PLCE1: variants seen among roughly 807,000 people sequenced by gnomAD.
The protein encoded by PLCE1 is phospholipase C epsilon 1, also known as 1-phosphatidylinositol 4,5-bisphosphate phosphodiesterase epsilon-1.
Under a neutral mutation model 242.8 loss-of-function variants are expected in PLCE1, and 119 were observed. That is an observed-to-expected ratio of 0.49 (90% CI 0.42 to 0.57). The LOEUF (loss-of-function observed/expected upper bound fraction) is 0.57, where lower values mean the gene tolerates loss of function less well. PLCE1 is among the 20% of genes least tolerant of loss of function. PLCE1 has a pLI of 0.00. For missense variants in PLCE1, 2,441 were observed against 2,788.8 expected, an observed-to-expected ratio of 0.88 and a Z score of 2.81; for synonymous variants, 945 against 1,017.4, an observed-to-expected ratio of 0.93 and a Z score of 1.35.
At chr10:93,998,340 C>G (rs1441727830) in intron 1 of PLCE1, among the ~76,000 whole-genome samples, 1 of 152,086 alleles carries the variant, frequency 6.6e-6, no homozygotes, top group African/African-American at 2.4e-5. Flanking sequence ...TCTGCAGGAC[C>G]CCCTGTCTCT....
chr10:94,245,166 A>G (rs1207379467), intron 7 of PLCE1, among the ~76,000 whole-genome samples: 1 of 152,218 alleles, frequency 6.6e-6, no homozygotes, highest in Non-Finnish European at 1.5e-5. Flanking sequence ...GTATAAAGTT[A>G]GACCAAAATC....
intron 2 of PLCE1, among the ~76,000 whole-genome samples, chr10:94,124,778 A>G (rs1196905917): frequency 6.6e-6 from 1 of 152,232 alleles, no homozygotes; most frequent in South Asian, 2.1e-4. Context: ...AAAAATTAGT[A>G]GAGAGAATAG....
At chr10:94,285,585 G>C (rs915163006) in intron 22 of PLCE1, among the ~76,000 whole-genome samples, 1 of 152,094 alleles carries the variant, frequency 6.6e-6, no homozygotes, top group Non-Finnish European at 1.5e-5. Flanking sequence ...TTCTGGTTGC[G>C]AGACGGCTAC....
At position 94,031,103 on chromosome 10, in the gene PLCE1, G is replaced by A. The variant is rs1589882637; in HGVS notation, c.57G>A (p.Val19=). ...SVLIPVTQRK[V]VSAQSAADES... ...TCATACCTGTGACTCAGAGAAAAGT[G>A]GTTTCTGCCCAGTCGGCTGCAGATG... The change falls in exon 2 of 33, where the codon GTG becomes GTA. Residue 19 remains valine (V), a synonymous_variant. Coordinates refer to ENST00000371380, the MANE Select transcript of PLCE1 (RefSeq NM_016341.4). 6 of 1,613,578 alleles carry A rather than the reference G, an allele frequency of 3.7e-6. No homozygotes were observed. The East Asian group carries it at 1.3e-4, about 36-fold the overall frequency.
chr10:94,074,037 GACAA>G (rs1288197684), intron 2 of PLCE1, among the ~76,000 whole-genome samples: 11 of 152,224 alleles, frequency 7.2e-5, no homozygotes, highest in Non-Finnish European at 1.0e-4. Flanking sequence ...ACTCAGTTAA[GACAA>G]ATACAAGTTT....
intron 1 of PLCE1, among the ~76,000 whole-genome samples, chr10:94,007,575 CTT>C (rs57779697): frequency 0.43 from 45,081 of 105,730 alleles, 6,983 homozygotes; most frequent in East Asian, 0.61. Flanking sequence ...TTCTCTCTCT[CTT>C]TTTTTTTTTT....
intron 32 of PLCE1, chr10:94,325,359 G>T (rs1454360010): frequency 2.1e-5 from 8 of 388,606 alleles, no homozygotes; most frequent in Non-Finnish European, 3.9e-5. Flanking sequence ...AGCACTTTGG[G>T]AGGCCAAGGC....
intron 3 of PLCE1, chr10:94,137,736 T>C (rs960170145): frequency 3.4e-5 from 6 of 175,242 alleles, no homozygotes; most frequent in Non-Finnish European, 6.0e-5. Context: ...TTCTGACAGA[T>C]GGAGGCCAGC....
chr10:94,037,909 A>G (rs934843176), intron 2 of PLCE1, among the ~76,000 whole-genome samples: 1 of 152,220 alleles, frequency 6.6e-6, no homozygotes, highest in Non-Finnish European at 1.5e-5. Context: ...TTCTTTGGAC[A>G]GTATCAGCAT....
chr10:94,307,646 G>T (rs541488261), intron 26 of PLCE1, among the ~76,000 whole-genome samples: 4 of 152,308 alleles, frequency 2.6e-5, no homozygotes, highest in African/African-American at 7.2e-5. Context: ...TTGGCTTGCA[G>T]ATGGTCCCCA....
At chr10:94,252,695 A>G (rs2050922172) in intron 9 of PLCE1, among the ~76,000 whole-genome samples, 197 bp downstream of exon 9, 1 of 152,172 alleles carries the variant, frequency 6.6e-6, no homozygotes, top group African/African-American at 2.4e-5. Context: ...AGGTCCGCAG[A>G]AGGACATAGA....
At chr10:94,148,229 G>T (rs2047173364) in intron 3 of PLCE1, among the ~76,000 whole-genome samples, 1 of 152,196 alleles carries the variant, frequency 6.6e-6, no homozygotes, top group Non-Finnish European at 1.5e-5. Flanking sequence ...ATGGAGCGAA[G>T]AAGGCACTCA....
At chr10:94,165,428 C>G (rs568819784) in intron 3 of PLCE1, among the ~76,000 whole-genome samples, 1 of 152,300 alleles carries the variant, frequency 6.6e-6, no homozygotes, top group East Asian at 1.9e-4. Flanking sequence ...ACCCTCCGAG[C>G]CAGGCGTGGG....
At chr10:94,077,022 T>C (rs1470115783) in intron 2 of PLCE1, among the ~76,000 whole-genome samples, 1 of 152,254 alleles carries the variant, frequency 6.6e-6, no homozygotes, top group East Asian at 1.9e-4. Flanking sequence ...TTGTATTAAC[T>C]GTTTTTTGCA....
At chr10:94,301,361 G>T (rs377567935) in intron 24 of PLCE1, among the ~76,000 whole-genome samples, 39 of 151,764 alleles carry the variant, frequency 2.6e-4, no homozygotes, top group South Asian at 6.2e-4. Context: ...AAAAGAAAAA[G>T]AAAATTATAT....
intron 2 of PLCE1, among the ~76,000 whole-genome samples, chr10:94,048,035 A>G (rs894292913): frequency 9.9e-5 from 15 of 152,212 alleles, no homozygotes; most frequent in Non-Finnish European, 2.2e-4. Context: ...ACTGTGTACA[A>G]TCTTTTGGGA....
intron 13 of PLCE1, among the ~76,000 whole-genome samples, chr10:94,261,153 C>A (rs972586602): frequency 6.6e-6 from 1 of 152,126 alleles, no homozygotes. Flanking sequence ...CCATCCCCCC[C>A]GCGACCTCCC....
Position 94,322,006 on chromosome 10 carries a change from C to G in PLCE1, c.6448C>G (p.Arg2150Gly). 1 of 1,614,042 alleles carries G rather than the reference C, an allele frequency of 6.2e-7. No individual in the cohort carries two copies. Among genetic ancestry groups the G allele is most frequent in the Non-Finnish European group, 8.5e-7 (1 of 1,179,970 alleles). The change falls in exon 30 of 33, where the codon CGA becomes GGA. Residue 2150 changes from arginine (R) to glycine (G), a missense_variant. Physicochemically the swap from Arg to Gly is moderately radical, Grantham distance 125. This residue lies in a region of PLCE1 where 310 missense variants were observed against 317.2 expected (regional missense o/e 0.98). Transcript: ENST00000371380. Reference sequence around the variant, plus strand: ...GCATGATGTTTCTCCAGAGCAACCTCGAACAGTCATCAAAGCACCCCGCGT... The same window carrying G: ...GCATGATGTTTCTCCAGAGCAACCTGGAACAGTCATCAAAGCACCCCGCGT... ...QVHDVSPEQP[R>G]TVIKAPRVST...
At chr10:94,279,641 A>AT (rs1390442445) in intron 19 of PLCE1, 141 bp from the exon 20 acceptor site, 4 of 862,282 alleles carry the variant, frequency 4.6e-6, no homozygotes, top group Admixed American at 4.0e-5. Flanking sequence ...GGGAATCTAG[A>AT]TTTTTTTCTC....
Sources: gnomAD v4.1 joint callset for allele counts (sites outside exome capture counted in the v4.1 genomes callset) on GRCh38, gnomAD v4.1.1 for gene constraint, gnomAD v4.1.1 regional missense constraint, MANE v1.5 for transcripts, NCBI Gene and HGNC (gene_info 2026-07-23, HGNC 2026-07-21) for gene names.